The following STX12 variants were observed in gnomAD, a reference collection of about 807,000 sequenced individuals.
STX12 encodes the protein syntaxin 12, also known as syntaxin-12.
STX12 carries 17 observed loss-of-function variants against 42.2 expected under a neutral mutation model. That is an observed-to-expected ratio of 0.40 (90% CI 0.28 to 0.60). The LOEUF is 0.60. Among genes scored for constraint, STX12 ranks in the 20% least tolerant of loss-of-function variants. STX12 has a pLI of 0.39. For missense variants in STX12, 297 were observed against 330.9 expected (o/e 0.90, Z 0.79); for synonymous variants, 108 against 116.7 (o/e 0.93, Z 0.48).
At chr1:27,806,422 T>C (rs2088863004) in intron 4 of STX12, among the ~76,000 whole-genome samples, 1 of 152,246 alleles carries the variant, frequency 6.6e-6, no homozygotes, top group Admixed American at 6.5e-5. Flanking sequence ...TAGTTCAGCC[T>C]GCAGTTCCAT....
intron 1 of STX12, among the ~76,000 whole-genome samples, chr1:27,774,533 C>CT (rs909603876): frequency 4.6e-5 from 7 of 151,912 alleles, no homozygotes; most frequent in African/African-American, 1.2e-4. Context: ...AAAAATTTTT[C>CT]TTTTTTGTAG....
At position 27,817,895 on chromosome 1, in the gene STX12, GATGATC is replaced by G; in HGVS notation, c.622_627del (p.Met208_Ile209del). 5 of 1,614,028 alleles carry G rather than the reference GATGATC, an allele frequency of 3.1e-6. No homozygotes were observed. Among genetic ancestry groups the G allele is most frequent in the Non-Finnish European group, 3.4e-6 (4 of 1,179,984 alleles). Reference sequence around the variant, plus strand: ...ATCAGATATTTAAAGATTTGGCCATGATGATCCATGACCAGGGTGATCTGATTGGTA... The same window carrying G: ...ATCAGATATTTAAAGATTTGGCCATGCATGACCAGGGTGATCTGATTGGTA... On this transcript the variant is annotated inframe_deletion, in exon 7 of 9. Transcript: ENST00000373943.
chr1:27,814,808 C>T (rs2088929152), intron 6 of STX12, among the ~76,000 whole-genome samples: 1 of 145,754 alleles, frequency 6.9e-6, no homozygotes, highest in African/African-American at 2.6e-5. Flanking sequence ...AATTGCACTC[C>T]AGCCTGGCAA....
At chr1:27,797,039 C>T (rs1470921545) in intron 3 of STX12, among the ~76,000 whole-genome samples, 1 of 150,958 alleles carries the variant, frequency 6.6e-6, no homozygotes, top group Non-Finnish European at 1.5e-5. Context: ...TTTTTTGAGA[C>T]ACAGTTTCAC....
intron 5 of STX12, 36 bp downstream of exon 5, chr1:27,810,325 G>T: frequency 6.4e-7 from 1 of 1,572,430 alleles, no homozygotes; most frequent in South Asian, 1.1e-5. Flanking sequence ...CTGGATAGTT[G>T]AGATGGGAAT....
intron 1 of STX12, among the ~76,000 whole-genome samples, chr1:27,776,942 C>T (rs1418849809): frequency 6.6e-6 from 1 of 152,052 alleles, no homozygotes; most frequent in East Asian, 1.9e-4. Context: ...TTTATATTTC[C>T]AGTACTTATC....
intron 4 of STX12, among the ~76,000 whole-genome samples, chr1:27,807,714 A>G (rs920906061): frequency 1.3e-5 from 2 of 152,252 alleles, no homozygotes; most frequent in African/African-American, 4.8e-5. Flanking sequence ...TGTATGTGTT[A>G]TACCAGGATG....
chr1:27,787,381 G>T (rs1051718891), intron 1 of STX12, among the ~76,000 whole-genome samples: 1 of 152,108 alleles, frequency 6.6e-6, no homozygotes, highest in Admixed American at 6.6e-5. Context: ...ACTACTGGCC[G>T]GGTGCAGTGG....
chr1:27,815,705 C>A (rs1212262766), intron 6 of STX12, among the ~76,000 whole-genome samples: 1 of 152,176 alleles, frequency 6.6e-6, no homozygotes, highest in African/African-American at 2.4e-5. Flanking sequence ...AGCAGATAGT[C>A]CACTATAGTA....
intron 1 of STX12, among the ~76,000 whole-genome samples, chr1:27,780,499 C>T (rs1304779328): frequency 6.6e-6 from 1 of 152,166 alleles, no homozygotes; most frequent in African/African-American, 2.4e-5. Flanking sequence ...CCCAGCCTTC[C>T]TTTGCTTTTG....
At chr1:27,814,301 C>G (rs2088923661) in intron 6 of STX12, among the ~76,000 whole-genome samples, 1 of 151,826 alleles carries the variant, frequency 6.6e-6, no homozygotes, top group Non-Finnish European at 1.5e-5. Flanking sequence ...GAGGCTGAGG[C>G]AGGATGATTG....
intron 1 of STX12, among the ~76,000 whole-genome samples, chr1:27,781,092 G>A (rs1002056889): frequency 1.3e-5 from 2 of 152,064 alleles, no homozygotes; most frequent in Admixed American, 6.5e-5. Flanking sequence ...CACTCAGGCT[G>A]GAGTACAGTG....
intron 8 of STX12, among the ~76,000 whole-genome samples, chr1:27,821,755 G>A (rs1032660266): frequency 5.3e-5 from 8 of 152,100 alleles, no homozygotes; most frequent in South Asian, 2.1e-4. Context: ...GGTGGCCCAC[G>A]CCTGTAATCC....
At chr1:27,787,950 A>G (rs906095413) in intron 1 of STX12, among the ~76,000 whole-genome samples, 2 of 152,218 alleles carry the variant, frequency 1.3e-5, no homozygotes, top group Admixed American at 6.5e-5. Context: ...TACAATATAC[A>G]TTGGTCTCCT....
chr1:27,793,184 A>C (rs78644023), intron 2 of STX12, among the ~76,000 whole-genome samples: 115 of 152,360 alleles, frequency 7.5e-4, no homozygotes, highest in African/African-American at 2.7e-3. Context: ...AAGAGAGTTC[A>C]GTATGTTTAA....
chr1:27,792,276 A>ATATATATGTAGATACATATATATGTATC (rs1274038352), intron 2 of STX12, among the ~76,000 whole-genome samples: 3 of 127,828 alleles, frequency 2.3e-5, no homozygotes, highest in African/African-American at 6.3e-5. Context: ...ATATGTATCT[A>ATATATATGTAGATACATATATATGTATC]TATATATGTA....
rs1346139244 is a variant in STX12 at position 27,822,974 on chromosome 1, G to GTCATCCACAGCAGTTCATCC, written c.*655_*674dup. The GTCATCCACAGCAGTTCATCC allele has an allele frequency of 2.6e-5, 4 of 152,184 alleles. No individual in the cohort carries two copies. The highest frequency in any genetic ancestry group is 5.9e-5 in the Non-Finnish European group (4 of 68,066). The allele number at this position is 152,184 out of a possible 1,614,324, so 9.4% of individuals were successfully genotyped here. Reference sequence around the variant, plus strand: ...AAAGTTTACTTCATTATCTGCTAGTGTCATCCACAGCAGTTCATCCTCATC... The same window carrying GTCATCCACAGCAGTTCATCC: ...AAAGTTTACTTCATTATCTGCTAGTGTCATCCACAGCAGTTCATCCTCATCCACAGCAGTTCATCCTCATC... On this transcript the variant is annotated 3_prime_UTR_variant, in exon 9 of 9. Transcript: ENST00000373943.
At chr1:27,792,831 A>G (rs536825569) in intron 2 of STX12, among the ~76,000 whole-genome samples, 4 of 152,342 alleles carry the variant, frequency 2.6e-5, no homozygotes, top group South Asian at 4.1e-4. Context: ...GAAACCACAA[A>G]TGAAAAGAGT....
At position 27,808,491 on chromosome 1, in the gene STX12, AC is replaced by A. The variant is rs370619406; in HGVS notation, c.427-1753del. Among the ~76,000 whole-genome samples, 248 of 151,888 alleles carry A rather than the reference AC, an allele frequency of 1.6e-3. 2 individuals carry two copies. Among genetic ancestry groups the A allele is most frequent in the African/African-American group, 5.7e-3 (238 of 41,432 alleles). On this transcript the variant is annotated intron_variant, in intron 4 of 8. Transcript: ENST00000373943. ...CGAGTAGCTGGGATTACAGGCACCC[AC>A]CACCATGCCTGGCTAATTTTTGTAT...
Sources: allele counts gnomAD v4.1 joint callset (sites outside exome capture counted in the v4.1 genomes callset), GRCh38; gene constraint gnomAD v4.1.1; transcripts MANE v1.5; gene names NCBI Gene and HGNC (gene_info 2026-07-23, HGNC 2026-07-21).